FAM133A: variants seen among roughly 807,000 people sequenced by gnomAD.
The protein encoded by FAM133A is family with sequence similarity 133 member A.
For missense variants in FAM133A, 159 were observed against 164.4 expected (o/e 0.97, Z 0.18); for synonymous variants, 65 against 58.6 (o/e 1.11, Z -0.50).
At chrX:93,701,497 A>G (rs1926702758) in intron 3 of FAM133A, among the ~76,000 whole-genome samples, 1 of 111,550 alleles carries the variant, frequency 9.0e-6, no homozygotes, top group African/African-American at 3.3e-5. Flanking sequence ...ACTAGTATTT[A>G]ATTAGATTTG....
chrX:93,701,996 G>A (rs1926736140), intron 3 of FAM133A, among the ~76,000 whole-genome samples: 1 of 111,965 alleles, frequency 8.9e-6, no homozygotes, highest in South Asian at 3.7e-4. Context: ...TGATGACTCA[G>A]TCATATCACC....
At chrX:93,699,009 AGGT>A (rs1229703147) in intron 3 of FAM133A, among the ~76,000 whole-genome samples, 1 of 110,796 alleles carries the variant, frequency 9.0e-6, no homozygotes, top group Non-Finnish European at 1.9e-5. Flanking sequence ...AATGATACTA[AGGT>A]TGCACTTAGG....
intron 3 of FAM133A, among the ~76,000 whole-genome samples, chrX:93,705,336 T>C (rs1174040218): frequency 8.9e-6 from 1 of 112,065 alleles, no homozygotes; most frequent in African/African-American, 3.2e-5. Context: ...CTCTTTGTTC[T>C]ATAATAGAAA....
chrX:93,708,627 T>C (rs1001737400), intron 3 of FAM133A, among the ~76,000 whole-genome samples: 13 of 111,978 alleles, frequency 1.2e-4, no homozygotes, highest in African/African-American at 4.2e-4. Flanking sequence ...ATAGAGACAA[T>C]GATAGGATCA....
chrX:93,693,001 T>C (rs1211076015), intron 2 of FAM133A, among the ~76,000 whole-genome samples: 6 of 111,584 alleles, frequency 5.4e-5, no homozygotes, highest in Admixed American at 4.8e-4. Context: ...ATATGATTGT[T>C]TAAACTCAAA....
chrX:93,698,201 T>C (rs1008599651), intron 2 of FAM133A, among the ~76,000 whole-genome samples, 196 bp from the exon 3 acceptor site: 1 of 111,501 alleles, frequency 9.0e-6, no homozygotes, highest in Non-Finnish European at 1.9e-5. Context: ...GTTAAGAAAG[T>C]GCTAATCGTA....
intron 3 of FAM133A, among the ~76,000 whole-genome samples, chrX:93,702,643 G>T (rs746504826): frequency 2.7e-5 from 3 of 109,201 alleles, no homozygotes; most frequent in Non-Finnish European, 5.7e-5. Context: ...TTTTCCCAAA[G>T]AGTACAGTAC....
intron 2 of FAM133A, among the ~76,000 whole-genome samples, chrX:93,688,645 G>T (rs774012635): frequency 9.0e-6 from 1 of 111,114 alleles, no homozygotes; most frequent in East Asian, 2.8e-4. Context: ...TTTGCCAAAT[G>T]AACTTATGAT....
chrX:93,685,688 T>G (rs753472402), intron 2 of FAM133A, among the ~76,000 whole-genome samples: 1 of 112,108 alleles, frequency 8.9e-6, no homozygotes, highest in African/African-American at 3.2e-5. Flanking sequence ...CTACACTGTC[T>G]TACGTTCCAA....
intron 2 of FAM133A, among the ~76,000 whole-genome samples, chrX:93,687,733 A>G (rs910346920): frequency 5.4e-5 from 6 of 111,711 alleles, no homozygotes; most frequent in Admixed American, 9.5e-5. Context: ...TTACTATGCA[A>G]TAGAACACCA....
chrX:93,703,435 C>T (rs925721295), intron 3 of FAM133A, among the ~76,000 whole-genome samples: 1 of 110,782 alleles, frequency 9.0e-6, no homozygotes, highest in Non-Finnish European at 1.9e-5. Flanking sequence ...AGTACTGGTT[C>T]ATTAGTTGTG....
intron 2 of FAM133A, among the ~76,000 whole-genome samples, chrX:93,695,445 G>C (rs1034827906): frequency 1.2e-4 from 13 of 106,758 alleles, no homozygotes; most frequent in Non-Finnish European, 2.1e-4. Flanking sequence ...GTAGAGATGG[G>C]TTTCACCACG....
intron 2 of FAM133A, among the ~76,000 whole-genome samples, chrX:93,688,905 A>G (rs77153798): frequency 6.9e-4 from 76 of 110,748 alleles, no homozygotes; most frequent in African/African-American, 2.4e-3. Flanking sequence ...ATATAAGAAA[A>G]TGTAAAAGCA....
At chrX:93,677,057 A>G (rs1242283273) in intron 2 of FAM133A, among the ~76,000 whole-genome samples, 2 of 110,612 alleles carry the variant, frequency 1.8e-5, no homozygotes, top group African/African-American at 6.5e-5. Flanking sequence ...AAATATAAGT[A>G]TTAGTTTTAT....
intron 3 of FAM133A, among the ~76,000 whole-genome samples, chrX:93,706,960 T>G (rs193014832): frequency 8.9e-6 from 1 of 112,017 alleles, no homozygotes; most frequent in Admixed American, 9.5e-5. Context: ...TTTTTCTGCT[T>G]AAAATAGTGT....
intron 2 of FAM133A, among the ~76,000 whole-genome samples, chrX:93,693,087 T>C (rs1039984486): frequency 9.0e-6 from 1 of 111,292 alleles, no homozygotes; most frequent in African/African-American, 3.3e-5. Flanking sequence ...GTTATAGTGA[T>C]GAGTCAAAAA....
chrX:93,709,668 A>T lies in FAM133A; in HGVS notation c.249A>T (p.Gly83=). 1 of 1,188,845 alleles carries T rather than the reference A, an allele frequency of 8.4e-7. No individual in the cohort carries two copies. The highest frequency in any genetic ancestry group is 1.8e-5 in the African/African-American group (1 of 56,347). ...AAAGCAGAGAGAAATTATTAAGTGG[A>T]AATGAGAGCTCATCTAAAAAAAGAG... is the stretch of plus-strand genomic sequence containing the variant. ...LEKSREKLLS[G]NESSSKKRER... The change falls in exon 4 of 4, where the codon GGA becomes GGT. Residue 83 remains glycine, a synonymous_variant. Transcript: ENST00000683942.
intron 2 of FAM133A, among the ~76,000 whole-genome samples, chrX:93,689,437 C>T (rs995195199): frequency 1.3e-4 from 14 of 111,321 alleles, no homozygotes; most frequent in African/African-American, 3.3e-4. Flanking sequence ...AATACTAATC[C>T]GCTATCAATA....
intron 2 of FAM133A, among the ~76,000 whole-genome samples, chrX:93,679,039 G>A (rs942336351): frequency 1.8e-5 from 2 of 111,397 alleles, no homozygotes; most frequent in African/African-American, 6.5e-5. Flanking sequence ...AAACATAAAT[G>A]TTCTTCTATT....
Sources: allele counts gnomAD v4.1 joint callset (sites outside exome capture counted in the v4.1 genomes callset), GRCh38; gene constraint gnomAD v4.1.1; transcripts MANE v1.5; gene names NCBI Gene and HGNC (gene_info 2026-07-23, HGNC 2026-07-21).